The following PC variants were observed in gnomAD, a reference collection of about 807,000 sequenced individuals.
PC encodes the protein pyruvate carboxylase, mitochondrial.
A neutral mutation model predicts 107.8 loss-of-function variants in PC; 46 were observed. The ratio of observed to expected loss-of-function variants is 0.43; its 90% CI spans 0.34 to 0.55. PC has a LOEUF of 0.55. Ranked by LOEUF, PC falls within the 20% of genes least tolerant of loss-of-function variation. The pLI is 0.04. For missense variants in PC, 1,241 were observed against 1,643.1 expected (o/e 0.76, Z 4.23); for synonymous variants, 662 against 684.7 (o/e 0.97, Z 0.52).
At chr11:66,924,009 C>A (rs555997846) in intron 3 of PC, among the ~76,000 whole-genome samples, 16 of 151,466 alleles carry the variant, frequency 1.1e-4, no homozygotes, top group Admixed American at 7.2e-4. Context: ...TCAAGACAAG[C>A]CTGGCCAACA....
Position 66,858,188 on chromosome 11 carries a change from G to A in PC, c.1369-4805C>T. The A allele has an allele frequency of 1.2e-6, 2 of 1,611,816 alleles. No homozygotes were observed. The highest frequency in any genetic ancestry group is 1.1e-5 in the South Asian group (1 of 91,054). Reference sequence around the variant, plus strand: ...TCGACGACTTCCTAGAGAGCCTGGAGGACCTGGACCTGTCCTACAACAACC... The same window carrying A: ...TCGACGACTTCCTAGAGAGCCTGGAAGACCTGGACCTGTCCTACAACAACC... On this transcript the variant is annotated intron_variant, in intron 12 of 22. Transcript: ENST00000393960. The surrounding 1 kb of genome is among the most constrained non-coding windows in gnomAD (Gnocchi z 5.9).
intron 3 of PC, among the ~76,000 whole-genome samples, chr11:66,888,549 C>T (rs1355343560): frequency 1.3e-5 from 2 of 151,962 alleles, no homozygotes; most frequent in African/African-American, 2.4e-5. Context: ...CCAGGTCGCT[C>T]GCTGTCCACA....
chr11:66,851,182 C>G lies in PC; in HGVS notation c.2081G>C (p.Gly694Ala), dbSNP rs1474828861. Reference sequence around the variant, plus strand: ...AGCCTCCACCACGCCTCCGGCACTTCCTGCCGCCTCCATGCCCAGCAGCAT... The same window carrying G: ...AGCCTCCACCACGCCTCCGGCACTTGCTGCCGCCTCCATGCCCAGCAGCAT... ...PNMLLGMEAA[G>A]SAGGVVEAAI... The change falls in exon 17 of 23, where the codon GGA becomes GCA. Residue 694 changes from glycine (G) to alanine (A), a missense_variant. By Grantham distance (60) the Gly-to-Ala change is moderately conservative (BLOSUM62 0). This residue lies in a region of PC where 1,143 missense variants were observed against 1,551.9 expected (regional missense o/e 0.74). Transcript: ENST00000393960. 3 of 1,611,168 alleles carry G rather than the reference C, an allele frequency of 1.9e-6. No homozygotes were observed. Among genetic ancestry groups the G allele is most frequent in the Non-Finnish European group, 8.5e-7 (1 of 1,180,022 alleles).
At chr11:66,950,820 A>G (rs1343252112) in intron 3 of PC, among the ~76,000 whole-genome samples, 4 of 152,148 alleles carry the variant, frequency 2.6e-5, no homozygotes, top group Non-Finnish European at 4.4e-5. Context: ...CTTCAGTTCC[A>G]TAAGACAAGT....
chr11:66,854,721 C>T (rs1394374190), intron 12 of PC, among the ~76,000 whole-genome samples: 1 of 152,186 alleles, frequency 6.6e-6, no homozygotes, highest in Non-Finnish European at 1.5e-5. Flanking sequence ...ACCCAGACTC[C>T]TCTGAGCTCT....
intron 3 of PC, among the ~76,000 whole-genome samples, chr11:66,917,320 G>A (rs1396671341): frequency 6.6e-6 from 1 of 152,060 alleles, no homozygotes; most frequent in Non-Finnish European, 1.5e-5. Context: ...GATCCACCCC[G>A]CCTTGGCCTC....
intron 3 of PC, among the ~76,000 whole-genome samples, chr11:66,872,952 G>A (rs759413866): frequency 2.1e-4 from 31 of 150,218 alleles, no homozygotes; most frequent in Non-Finnish European, 4.1e-4. Flanking sequence ...CACGAGAATC[G>A]CTTGAACCTA....
intron 3 of PC, among the ~76,000 whole-genome samples, chr11:66,899,784 T>A (rs115570470): frequency 0.014 from 2,085 of 152,382 alleles, 47 homozygotes; most frequent in African/African-American, 0.046. Context: ...GTTCATTTTC[T>A]TTTATTGCTT....
At chr11:66,954,096 G>A (rs897762380) in intron 2 of PC, among the ~76,000 whole-genome samples, 153 bp downstream of exon 2, 1 of 152,104 alleles carries the variant, frequency 6.6e-6, no homozygotes, top group Non-Finnish European at 1.5e-5. Context: ...CCTGTGTCTC[G>A]AAGAATAATT....
At chr11:66,886,696 C>T (rs188930818) in intron 3 of PC, among the ~76,000 whole-genome samples, 3 of 152,062 alleles carry the variant, frequency 2.0e-5, no homozygotes, top group Non-Finnish European at 4.4e-5. Flanking sequence ...TTAAGGTGAA[C>T]GATGGCAACA....
chr11:66,856,016 G>A (rs1945789950), intron 12 of PC, among the ~76,000 whole-genome samples: 1 of 128,136 alleles, frequency 7.8e-6, no homozygotes, highest in African/African-American at 3.5e-5. Context: ...GAGACACGGG[G>A]AGGTGGTGAC....
At chr11:66,944,064 A>G (rs368113307) in intron 3 of PC, among the ~76,000 whole-genome samples, 11,150 of 79,368 alleles carry the variant, frequency 0.14, 1,053 homozygotes, top group Non-Finnish European at 0.17. Flanking sequence ...GGCGGAACAC[A>G]AGGTCAGGAG....
At chr11:66,933,705 C>T (rs1948921575) in intron 3 of PC, among the ~76,000 whole-genome samples, 1 of 152,074 alleles carries the variant, frequency 6.6e-6, no homozygotes, top group Non-Finnish European at 1.5e-5. Flanking sequence ...CAACCACTTC[C>T]CTAACCTCCA....
At position 66,871,055 on chromosome 11, in the gene PC, G is replaced by A. The variant is rs751914905; in HGVS notation, c.630C>T (p.Tyr210=). 10 of 1,613,864 alleles carry A rather than the reference G, an allele frequency of 6.2e-6. No individual in the cohort carries two copies. The highest frequency in any genetic ancestry group is 1.3e-5 in the African/African-American group (1 of 74,912). Residue 210 remains tyrosine, a synonymous_variant, in exon 7 of 23, where the codon TAC becomes TAT. Transcript: ENST00000393960. The surrounding 1 kb of genome is among the most constrained non-coding windows in gnomAD (Gnocchi z 7.4). Reference sequence around the variant, plus strand: ...AGCCCTGGGCATCTTCACTCACCTCGTAGCTGTGCACCACCCTCATGCCAC... The same window carrying A: ...AGCCCTGGGCATCTTCACTCACCTCATAGCTGTGCACCACCCTCATGCCAC... ...GGRGMRVVHS[Y]EELEENYTRA...
At chr11:66,865,718 C>A (rs938199966) in intron 11 of PC, among the ~76,000 whole-genome samples, 1 of 152,178 alleles carries the variant, frequency 6.6e-6, no homozygotes, top group Non-Finnish European at 1.5e-5. Context: ...CCGACTCCCT[C>A]CCCCATCCTT....
chr11:66,908,306 T>A (rs114219885), intron 3 of PC, among the ~76,000 whole-genome samples: 65 of 152,178 alleles, frequency 4.3e-4, no homozygotes, highest in African/African-American at 1.5e-3. Context: ...ATGCCTTGGG[T>A]TGTCCACCTG....
At chr11:66,853,208 G>GAGGGCAGGGCAGGGCAGTCTC in intron 13 of PC, 31 bp downstream of exon 13, 1 of 1,608,694 alleles carries the variant, frequency 6.2e-7, no homozygotes, top group Non-Finnish European at 8.5e-7. Context: ...GAGGGGAGGG[G>GAGGGCAGGGCAGGGCAGTCTC]AGGGCAGGGC....
chr11:66,920,760 T>C (rs188255397), intron 3 of PC, among the ~76,000 whole-genome samples: 1 of 152,140 alleles, frequency 6.6e-6, no homozygotes, highest in Admixed American at 6.5e-5. Flanking sequence ...AATACAGGCA[T>C]GAGGCTGGGC....
intron 3 of PC, among the ~76,000 whole-genome samples, chr11:66,900,638 T>G (rs986953136): frequency 1.7e-4 from 26 of 152,220 alleles, no homozygotes; most frequent in African/African-American, 6.3e-4. Context: ...TCCATGATCA[T>G]GGGGTATCTT....
Sources: gnomAD v4.1 joint callset for allele counts (sites outside exome capture counted in the v4.1 genomes callset) on GRCh38, gnomAD v4.1.1 for gene constraint, gnomAD v4.1.1 regional missense constraint, Gnocchi (gnomAD v3.1) non-coding constraint, MANE v1.5 for transcripts, NCBI Gene and HGNC (gene_info 2026-07-23, HGNC 2026-07-21) for gene names.